The following SEMA5A variants were observed in gnomAD, a reference collection of about 807,000 sequenced individuals.
SEMA5A encodes the protein semaphorin 5A, also known as semaphorin-5A.
Under a neutral mutation model 135.5 loss-of-function variants are expected in SEMA5A, and 55 were observed. That is an observed-to-expected ratio of 0.41 (90% CI 0.33 to 0.51). SEMA5A has a LOEUF of 0.51. Ranked by LOEUF, SEMA5A falls within the 20% of genes least tolerant of loss-of-function variation. The pLI is 0.37. For missense variants in SEMA5A, 1,290 were observed against 1,419.9 expected, an observed-to-expected ratio of 0.91 and a Z score of 1.47; for synonymous variants, 580 against 546.5, an observed-to-expected ratio of 1.06 and a Z score of -0.85.
intron 13 of SEMA5A, among the ~76,000 whole-genome samples, chr5:9,131,639 A>C (rs1741432245): frequency 2.9e-5 from 1 of 34,178 alleles, no homozygotes; most frequent in Non-Finnish European, 9.5e-5. Context: ...AAAAAAAAAA[A>C]AAAAAAAAAA....
At chr5:9,109,418 G>T (rs766985862) in intron 15 of SEMA5A, among the ~76,000 whole-genome samples, 6 of 152,208 alleles carry the variant, frequency 3.9e-5, no homozygotes, top group African/African-American at 1.4e-4. Context: ...AAAGGAAACA[G>T]CCTGGCATTC....
chr5:9,141,915 G>C (rs1742085601), intron 12 of SEMA5A, among the ~76,000 whole-genome samples: 1 of 151,992 alleles, frequency 6.6e-6, no homozygotes, highest in South Asian at 2.1e-4. Context: ...GTTTATTTTT[G>C]ATATTAAGAA....
chr5:9,275,404 C>T (rs1053529499), intron 5 of SEMA5A, among the ~76,000 whole-genome samples: 2 of 152,076 alleles, frequency 1.3e-5, no homozygotes, highest in African/African-American at 2.4e-5. Flanking sequence ...ACCAAAGGTA[C>T]AAAGAGAAGC....
chr5:9,053,310 T>A (rs1167833627), intron 19 of SEMA5A, among the ~76,000 whole-genome samples: 1 of 152,184 alleles, frequency 6.6e-6, no homozygotes, highest in Non-Finnish European at 1.5e-5. Flanking sequence ...ACAGCGGTGC[T>A]CCCTGCTCTC....
intron 8 of SEMA5A, among the ~76,000 whole-genome samples, chr5:9,221,296 TTTC>T (rs1371231275): frequency 6.8e-6 from 1 of 146,126 alleles, no homozygotes; most frequent in Non-Finnish European, 1.5e-5. Context: ...ATCCGAACAT[TTTC>T]TTTTTTTTTT....
At position 9,066,521 on chromosome 5, in the gene SEMA5A, G is replaced by A. The variant is rs1225746691; in HGVS notation, c.2199C>T (p.Cys733=). Residue 733 remains cysteine (C), a synonymous_variant, in exon 17 of 23, where the codon TGC becomes TGT. Coordinates refer to ENST00000382496, the MANE Select transcript of SEMA5A (RefSeq NM_003966.3). ...AATTCGGATCAGCCAGGCGGGCTTT[G>A]CATGTGTATCGGAATCGTTGCTCAT... ...GHYEQRFRYT[C]KARLADPNLL... is the part of the protein sequence containing the mutation. The A allele has an allele frequency of 1.2e-6, 2 of 1,614,144 alleles. No individual in the cohort carries two copies. Among genetic ancestry groups the A allele is most frequent in the East Asian group, 2.2e-5 (1 of 44,882 alleles).
At chr5:9,508,096 T>C (rs992586346) in intron 1 of SEMA5A, among the ~76,000 whole-genome samples, 1 of 152,046 alleles carries the variant, frequency 6.6e-6, no homozygotes, top group Non-Finnish European at 1.5e-5. Flanking sequence ...TCCTAGCAAC[T>C]AGGGAAAGAT....
chr5:9,048,246 C>G (rs895758354), intron 21 of SEMA5A, among the ~76,000 whole-genome samples: 6 of 152,170 alleles, frequency 3.9e-5, no homozygotes, highest in African/African-American at 1.4e-4. Flanking sequence ...GGCTCGTTTC[C>G]TACGGTGCTT....
At chr5:9,369,423 A>G (rs1755043753) in intron 3 of SEMA5A, among the ~76,000 whole-genome samples, 1 of 152,094 alleles carries the variant, frequency 6.6e-6, no homozygotes, top group Admixed American at 6.5e-5. Context: ...TCCTAATTCA[A>G]AGTTTTGGAA....
intron 2 of SEMA5A, among the ~76,000 whole-genome samples, chr5:9,434,168 T>C (rs189794390): frequency 6.6e-5 from 10 of 152,322 alleles, no homozygotes; most frequent in East Asian, 1.9e-4. Context: ...CTTTACACGA[T>C]AGAGTATTAC....
rs1015074724 is a variant in SEMA5A at position 9,038,957 on chromosome 5, G to A, written c.*3940C>T. On this transcript the variant is annotated 3_prime_UTR_variant, in exon 23 of 23. Transcript: ENST00000382496. Reference sequence around the variant, plus strand: ...TTGCCCAGGCTGGTCTCAAACTCCTGAGCTCAGGTGATCCGCCCACCTTGG... The same window carrying A: ...TTGCCCAGGCTGGTCTCAAACTCCTAAGCTCAGGTGATCCGCCCACCTTGG... 1 of 152,388 alleles carries A rather than the reference G, an allele frequency of 6.6e-6. No homozygotes were observed. Among genetic ancestry groups the A allele is most frequent in the Admixed American group, 6.5e-5 (1 of 15,268 alleles). The allele number at this position is 152,388 out of a possible 1,614,324, so 9.4% of individuals were successfully genotyped here. A position where few individuals can be genotyped will look rare whatever the true frequency, so the allele number is the denominator to read the frequency against.
At chr5:9,142,087 A>G (rs1742094679) in intron 12 of SEMA5A, among the ~76,000 whole-genome samples, 1 of 152,238 alleles carries the variant, frequency 6.6e-6, no homozygotes, top group African/African-American at 2.4e-5. Flanking sequence ...CTGAGCTCCA[A>G]GAACTTCCCA....
chr5:9,380,925 A>C (rs951049310), intron 2 of SEMA5A, among the ~76,000 whole-genome samples: 2 of 151,568 alleles, frequency 1.3e-5, no homozygotes, highest in Non-Finnish European at 3.0e-5. Context: ...GGTTTCTGGA[A>C]GGACGTTCCG....
chr5:9,289,123 C>T (rs950435871), intron 5 of SEMA5A, among the ~76,000 whole-genome samples: 3 of 152,150 alleles, frequency 2.0e-5, no homozygotes, highest in African/African-American at 7.2e-5. Context: ...CTGGCATTTA[C>T]TTCCAATCAG....
At chr5:9,354,262 T>C (rs1754347203) in intron 3 of SEMA5A, among the ~76,000 whole-genome samples, 1 of 152,186 alleles carries the variant, frequency 6.6e-6, no homozygotes, top group Non-Finnish European at 1.5e-5. Context: ...CACTCTTGTT[T>C]CCCAGCGTGG....
intron 5 of SEMA5A, chr5:9,265,345 A>G (rs2150525942): frequency 2.3e-6 from 1 of 441,332 alleles, no homozygotes; most frequent in Admixed American, 2.4e-5. Flanking sequence ...CTGCCTATCC[A>G]TGAGGTGTGG....
At chr5:9,271,397 G>A (rs1012106413) in intron 5 of SEMA5A, among the ~76,000 whole-genome samples, 4 of 152,152 alleles carry the variant, frequency 2.6e-5, no homozygotes, top group African/African-American at 2.4e-5. Context: ...TTGGTAACAG[G>A]AGTGAGGTAC....
At chr5:9,126,700 G>T (rs2150195600) in intron 13 of SEMA5A, among the ~76,000 whole-genome samples, 1 of 152,334 alleles carries the variant, frequency 6.6e-6, no homozygotes, top group South Asian at 2.1e-4. Flanking sequence ...AACTGAAACA[G>T]TTGATGAAAT....
chr5:9,107,928 T>C (rs1316615793), intron 16 of SEMA5A, among the ~76,000 whole-genome samples: 1 of 152,144 alleles, frequency 6.6e-6, no homozygotes, highest in Admixed American at 6.6e-5. Flanking sequence ...CTGGAGAGCA[T>C]AAGGTGTTTG....
Sources: allele counts gnomAD v4.1 joint callset (sites outside exome capture counted in the v4.1 genomes callset), GRCh38; gene constraint gnomAD v4.1.1; transcripts MANE v1.5; gene names NCBI Gene and HGNC (gene_info 2026-07-23, HGNC 2026-07-21).